KCNT2: variants seen among roughly 807,000 people sequenced by gnomAD.
KCNT2 encodes the protein potassium sodium-activated channel subfamily T member 2.
A neutral mutation model predicts 153.8 loss-of-function variants in KCNT2; 67 were observed. That is an observed-to-expected ratio of 0.44 (90% CI 0.36 to 0.53). The LOEUF is 0.53. Among genes scored for constraint, KCNT2 ranks in the 20% least tolerant of loss-of-function variants. The probability of loss-of-function intolerance (pLI) is 0.00; values close to 1 mark genes in which losing one functional copy is unlikely to be tolerated. For missense variants in KCNT2, 975 were observed against 1,354.8 expected (o/e 0.72, Z 4.40); for synonymous variants, 500 against 458.8 (o/e 1.09, Z -1.15).
Position 196,225,954 on chromosome 1 carries a change from TAA to T in KCNT2, c.*2268_*2269del, listed in dbSNP as rs1422841576. ...TTATTTTAAAAAGGCAACATTTCAT[TAA>T]AAGTCTTTTATAAGCATGTTTTTAT... On this transcript the variant is annotated 3_prime_UTR_variant, in exon 28 of 28. Transcript: ENST00000294725. 2 of 152,112 alleles carry T rather than the reference TAA, an allele frequency of 1.3e-5. No individual in the cohort carries two copies. Among genetic ancestry groups the T allele is most frequent in the African/African-American group, 4.8e-5 (2 of 41,464 alleles). 9.4% of individuals were successfully genotyped at this position (152,112 alleles called of 1,614,324 possible). A position where few individuals can be genotyped will look rare whatever the true frequency, so the allele number is the denominator to read the frequency against.
rs142822126 is a variant in KCNT2, at chr1:196,546,495, T to A, written c.96-54154A>T. 8.5e-5 allele frequency among the ~76,000 whole-genome samples: 13 copies of A among 152,164 alleles called. No individual in the cohort carries two copies. The East Asian group carries it at 2.5e-3, about 29-fold the overall frequency. ...GACACCTTCCCATAACACTGAGTGC[T>A]TTCTAAGTCACCTCTGCTTATACCC... On this transcript the variant is annotated intron_variant, in intron 1 of 27. Transcript: ENST00000294725.
intron 12 of KCNT2, among the ~76,000 whole-genome samples, chr1:196,413,799 A>G (rs1017783160): frequency 2.6e-5 from 4 of 151,672 alleles, no homozygotes; most frequent in African/African-American, 7.2e-5. Flanking sequence ...ACACACATTT[A>G]TTTTTTGTAA....
At chr1:196,462,679 T>C (rs754361479) in intron 8 of KCNT2, among the ~76,000 whole-genome samples, 4 of 151,860 alleles carry the variant, frequency 2.6e-5, no homozygotes, top group Non-Finnish European at 5.9e-5. Flanking sequence ...AATTTAATCC[T>C]CACTTCAAAA....
rs543571228 is a variant in KCNT2, at chr1:196,405,737, C to A, written c.1186-7066G>T. Among the ~76,000 whole-genome samples the A allele has an allele frequency of 2.0e-5, 3 of 151,540 alleles. No homozygotes were observed. In the East Asian group the frequency reaches 5.9e-4, roughly 30 times the overall value. On this transcript the variant is annotated intron_variant, in intron 12 of 27. Transcript: ENST00000294725. ...ACATCTGCAGCACTTGAAAATTGAT[C>A]TATTTACCCTGCATACTTTGAGTAT...
rs186117719 is a variant in KCNT2 at position 196,271,057 on chromosome 1, C to T, written c.2910+9803G>A. Among the ~76,000 whole-genome samples the T allele has an allele frequency of 1.1e-3, 165 of 151,964 alleles. 1 individual carries two copies. The highest frequency in any genetic ancestry group is 4.2e-4 in the South Asian group (2 of 4,814). On this transcript the variant is annotated intron_variant, in intron 25 of 27. Coordinates refer to ENST00000294725, the MANE Select transcript of KCNT2 (RefSeq NM_198503.5). ...ACAACCACACACACACAAACACACACGCACACACACATAATTCCCTTATCC... is the reference window on the plus strand; with the variant it reads ...ACAACCACACACACACAAACACACATGCACACACACATAATTCCCTTATCC...
At chr1:196,463,922 G>T (rs906566838) in intron 8 of KCNT2, among the ~76,000 whole-genome samples, 2 of 151,736 alleles carry the variant, frequency 1.3e-5, no homozygotes, top group Non-Finnish European at 2.9e-5. Flanking sequence ...TAAAAATAAC[G>T]TGTCCTTTTT....
chr1:196,367,340 G>A (rs1014548948), intron 14 of KCNT2, among the ~76,000 whole-genome samples: 1 of 152,010 alleles, frequency 6.6e-6, no homozygotes, highest in African/African-American at 2.4e-5. Flanking sequence ...AATGACCTTC[G>A]TGGTACTTCA....
At chr1:196,496,562 A>T (rs1680275042) in intron 1 of KCNT2, among the ~76,000 whole-genome samples, 1 of 152,202 alleles carries the variant, frequency 6.6e-6, no homozygotes, top group Admixed American at 6.5e-5. Flanking sequence ...GGCCACAAAA[A>T]TGTCACCAAA....
chr1:196,275,030 A>G (rs1269345506), intron 25 of KCNT2, among the ~76,000 whole-genome samples: 1 of 151,914 alleles, frequency 6.6e-6, no homozygotes, highest in African/African-American at 2.4e-5. Flanking sequence ...CTGCAATGAA[A>G]AGTATAAATA....
At chr1:196,416,246 T>C (rs1672743817) in intron 12 of KCNT2, among the ~76,000 whole-genome samples, 1 of 152,032 alleles carries the variant, frequency 6.6e-6, no homozygotes. Context: ...AGAGTAGCAA[T>C]GCTGCCAATT....
chr1:196,316,498 G>A (rs1215656090), intron 20 of KCNT2, among the ~76,000 whole-genome samples: 1 of 151,578 alleles, frequency 6.6e-6, no homozygotes, highest in Non-Finnish European at 1.5e-5. Context: ...ACTATGAAAT[G>A]TTTATTTTTA....
intron 1 of KCNT2, among the ~76,000 whole-genome samples, chr1:196,532,447 G>A (rs1270520256): frequency 6.6e-6 from 1 of 151,824 alleles, no homozygotes; most frequent in Admixed American, 6.6e-5. Flanking sequence ...CTTGGGACAT[G>A]AGTCTTATTA....
intron 20 of KCNT2, among the ~76,000 whole-genome samples, chr1:196,318,517 A>G (rs988504935): frequency 4.6e-5 from 7 of 151,830 alleles, no homozygotes; most frequent in Non-Finnish European, 8.8e-5. Flanking sequence ...GCTTTTAGAT[A>G]TACTGTTTTT....
chr1:196,406,756 GA>G (rs36030077), intron 12 of KCNT2, among the ~76,000 whole-genome samples: 1 of 151,328 alleles, frequency 6.6e-6, no homozygotes, highest in Non-Finnish European at 1.5e-5. Flanking sequence ...CTAGTTTTAG[GA>G]AAAAAAGTCC....
intron 13 of KCNT2, among the ~76,000 whole-genome samples, chr1:196,396,721 A>C (rs1215392552): frequency 6.6e-6 from 1 of 151,672 alleles, no homozygotes; most frequent in Non-Finnish European, 1.5e-5. Context: ...CAAAATGAGA[A>C]ATATTGAGAT....
intron 14 of KCNT2, among the ~76,000 whole-genome samples, chr1:196,343,837 T>C (rs1339327234): frequency 2.0e-5 from 3 of 152,150 alleles, no homozygotes; most frequent in Non-Finnish European, 4.4e-5. Context: ...TGGACAGCAA[T>C]GGCACGATCT....
chr1:196,526,207 A>G (rs933044358), intron 1 of KCNT2, among the ~76,000 whole-genome samples: 1 of 152,032 alleles, frequency 6.6e-6, no homozygotes, highest in Non-Finnish European at 1.5e-5. Flanking sequence ...AACTTTACAC[A>G]TATAATTACA....
At chr1:196,367,424 T>C (rs1572186811) in intron 14 of KCNT2, among the ~76,000 whole-genome samples, 2 of 152,236 alleles carry the variant, frequency 1.3e-5, no homozygotes, top group Non-Finnish European at 1.5e-5. Context: ...TGATTTACCA[T>C]TTCGTTCGTA....
At chr1:196,327,615 G>T (rs1288285156) in intron 18 of KCNT2, among the ~76,000 whole-genome samples, 1 of 150,716 alleles carries the variant, frequency 6.6e-6, no homozygotes, top group Non-Finnish European at 1.5e-5. Context: ...TATTTATGTG[G>T]GTTGAGATTA....
Sources: allele counts gnomAD v4.1 joint callset (sites outside exome capture counted in the v4.1 genomes callset), GRCh38; gene constraint gnomAD v4.1.1; transcripts MANE v1.5; gene names NCBI Gene and HGNC (gene_info 2026-07-23, HGNC 2026-07-21).